PDE1A: variants seen among roughly 807,000 people sequenced by gnomAD.
The protein encoded by PDE1A is phosphodiesterase 1A, also known as dual specificity calcium/calmodulin-dependent 3',5'-cyclic nucleotide phosphodiesterase 1A.
PDE1A carries 35 observed loss-of-function variants against 61.7 expected under a neutral mutation model. That is an observed-to-expected ratio of 0.57 (90% CI 0.43 to 0.75). The LOEUF (loss-of-function observed/expected upper bound fraction) is 0.75. Ranked by LOEUF, PDE1A falls within the 30% of genes least tolerant of loss-of-function variation. The pLI is 0.00. For synonymous variants in PDE1A, 232 were observed against 213.2 expected (o/e 1.09, Z -0.77); for missense variants, 597 against 630.6 (o/e 0.95, Z 0.57).
chr2:182,165,893 T>C (rs936311885), downstream of PDE1A, among the ~76,000 whole-genome samples: 8 of 152,234 alleles, frequency 5.3e-5, no homozygotes, highest in Non-Finnish European at 1.5e-5. Flanking sequence ...ATTGACTTAA[T>C]ATCAGCATTT....
chr2:182,704,003 C>A, the PDE1A span, among the ~76,000 whole-genome samples: 1 of 150,412 alleles, frequency 6.6e-6, no homozygotes, highest in Non-Finnish European at 1.5e-5. Context: ...GAGTTCGAGA[C>A]AAGCCTGGCC....
chr2:182,538,613 T>G, the PDE1A span, among the ~76,000 whole-genome samples: 1 of 152,274 alleles, frequency 6.6e-6, no homozygotes, highest in Non-Finnish European at 1.5e-5. Context: ...AATTATAAAA[T>G]TATGTAAATA....
chr2:182,585,721 C>T, the PDE1A span, among the ~76,000 whole-genome samples: 1 of 152,124 alleles, frequency 6.6e-6, no homozygotes. Context: ...TTTGTATATT[C>T]GTTGGTGGCA....
the PDE1A span, among the ~76,000 whole-genome samples, chr2:182,690,000 T>C: frequency 6.6e-6 from 1 of 152,164 alleles, no homozygotes; most frequent in Non-Finnish European, 1.5e-5. Flanking sequence ...AATCTCGTAA[T>C]AGACCAATAA....
intron 1 of PDE1A, among the ~76,000 whole-genome samples, chr2:182,391,013 C>A (rs1288945529): frequency 6.6e-6 from 1 of 152,180 alleles, no homozygotes. Context: ...GGCCAGCAGA[C>A]CCCTAGAGGT....
chr2:182,602,572 G>T, the PDE1A span, among the ~76,000 whole-genome samples: 1 of 152,220 alleles, frequency 6.6e-6, no homozygotes, highest in African/African-American at 2.4e-5. Context: ...GCTAACAGAT[G>T]CAAATATCTA....
the PDE1A span, among the ~76,000 whole-genome samples, chr2:182,566,250 T>C: frequency 1.3e-5 from 2 of 152,124 alleles, no homozygotes; most frequent in African/African-American, 2.4e-5. Flanking sequence ...GCTAAACTTC[T>C]CCTGTTTTAA....
the PDE1A span, among the ~76,000 whole-genome samples, chr2:182,627,190 AATATT>A: frequency 0.042 from 981 of 23,206 alleles, 4 homozygotes; most frequent in Admixed American, 0.061. Flanking sequence ...ATAAAATATA[AATATT>A]ATATTATTTA....
At chr2:182,626,738 C>CATATATATATATGTATATACAT in the PDE1A span, among the ~76,000 whole-genome samples, 1 of 13,962 alleles carries the variant, frequency 7.2e-5, no homozygotes, top group Non-Finnish European at 1.2e-4. Context: ...TATATATATA[C>CATATATATATATGTATATACAT]ATATATATAC....
the PDE1A span, among the ~76,000 whole-genome samples, chr2:182,663,329 A>T: frequency 6.6e-6 from 1 of 152,210 alleles, no homozygotes; most frequent in Non-Finnish European, 1.5e-5. Context: ...CTGGGTATAT[A>T]CCCAAAGGAA....
chr2:182,393,940 A>G (rs191220744), intron 1 of PDE1A, among the ~76,000 whole-genome samples: 1 of 152,180 alleles, frequency 6.6e-6, no homozygotes, highest in Non-Finnish European at 1.5e-5. Flanking sequence ...AGGAAGTTCC[A>G]CACTTTCCCA....
intron 2 of PDE1A, among the ~76,000 whole-genome samples, chr2:182,471,022 T>C (rs1322932150): frequency 6.6e-6 from 1 of 151,824 alleles, no homozygotes; most frequent in African/African-American, 2.4e-5. Context: ...TATACACTTA[T>C]CTAAAAAACC....
chr2:182,682,645 C>T, the PDE1A span, among the ~76,000 whole-genome samples: 1 of 152,154 alleles, frequency 6.6e-6, no homozygotes, highest in Non-Finnish European at 1.5e-5. Context: ...AATAATTGGG[C>T]TGGTTTCAAT....
chr2:182,177,320 C>T (rs1481789280), intron 13 of PDE1A, among the ~76,000 whole-genome samples: 1 of 151,930 alleles, frequency 6.6e-6, no homozygotes, highest in South Asian at 2.1e-4. Flanking sequence ...TGGTCCTGGA[C>T]TCTTTTTGGT....
At chr2:182,318,175 C>T (rs111268214) in intron 1 of PDE1A, among the ~76,000 whole-genome samples, 2,019 of 152,240 alleles carry the variant, frequency 0.013, 26 homozygotes, top group South Asian at 0.061. Flanking sequence ...TTTTAGCTGA[C>T]TTAATATGTC....
chr2:182,204,735 G>A (rs985993945), intron 8 of PDE1A, among the ~76,000 whole-genome samples: 5 of 152,142 alleles, frequency 3.3e-5, no homozygotes, highest in African/African-American at 1.2e-4. Context: ...TAGTAGTTAA[G>A]TTTTTGAAGT....
the PDE1A span, among the ~76,000 whole-genome samples, chr2:182,580,789 C>T: frequency 6.6e-6 from 1 of 152,036 alleles, no homozygotes; most frequent in Non-Finnish European, 1.5e-5. Flanking sequence ...TGTAAACATC[C>T]TCTGCTTGAC....
chr2:182,339,317 T>C (rs1334980530), intron 1 of PDE1A, among the ~76,000 whole-genome samples: 1 of 152,184 alleles, frequency 6.6e-6, no homozygotes, highest in Non-Finnish European at 1.5e-5. Flanking sequence ...TCAAGTTGCC[T>C]GAGAAAATGT....
intron 1 of PDE1A, among the ~76,000 whole-genome samples, chr2:182,400,877 G>C (rs1188780391): frequency 1.3e-5 from 2 of 152,116 alleles, no homozygotes; most frequent in Non-Finnish European, 2.9e-5. Context: ...AACCACCTTT[G>C]CCAAAATGTC....
Sources: allele counts gnomAD v4.1 joint callset (sites outside exome capture counted in the v4.1 genomes callset), GRCh38; gene constraint gnomAD v4.1.1; transcripts MANE v1.5; gene names NCBI Gene and HGNC (gene_info 2026-07-23, HGNC 2026-07-21).